The following SEMA3C variants were observed in gnomAD, a reference collection of about 807,000 sequenced individuals.
SEMA3C encodes semaphorin 3C.
SEMA3C carries 47 observed loss-of-function variants against 89.4 expected under a neutral mutation model. The observed-to-expected ratio is 0.53, with a 90% CI of 0.42 to 0.67. The LOEUF (loss-of-function observed/expected upper bound fraction) is 0.67, where lower values mean the gene tolerates loss of function less well. Among genes scored for constraint, SEMA3C ranks in the 30% least tolerant of loss-of-function variants. The pLI is 0.00. For synonymous variants in SEMA3C, 310 were observed against 320.2 expected (o/e 0.97, Z 0.34); for missense variants, 839 against 929.1 (o/e 0.90, Z 1.26).
chr7:80,779,293 ACTCTC>A (rs1373023786), intron 12 of SEMA3C, among the ~76,000 whole-genome samples: 1 of 152,052 alleles, frequency 6.6e-6, no homozygotes, highest in Non-Finnish European at 1.5e-5. Context: ...ATCAATTTAG[ACTCTC>A]ATGCATAGTA....
chr7:80,803,922 A>T (rs1371774802), intron 8 of SEMA3C, among the ~76,000 whole-genome samples, 184 bp downstream of exon 8: 1 of 152,006 alleles, frequency 6.6e-6, no homozygotes, highest in Non-Finnish European at 1.5e-5. Context: ...GGTTGGGGTT[A>T]TAAACACTAT....
At chr7:80,836,252 G>A (rs1790122295) in intron 2 of SEMA3C, among the ~76,000 whole-genome samples, 2 of 152,298 alleles carry the variant, frequency 1.3e-5, no homozygotes, top group South Asian at 4.1e-4. Flanking sequence ...CACAGACACA[G>A]CTTCATGTAG....
chr7:80,787,532 T>C (rs1347909206), intron 12 of SEMA3C, among the ~76,000 whole-genome samples: 1 of 148,682 alleles, frequency 6.7e-6, no homozygotes, highest in African/African-American at 2.5e-5. Context: ...ACTGAAGCAA[T>C]AGGTAAAGTG....
chr7:80,895,210 C>T (rs1193792224), intron 2 of SEMA3C, among the ~76,000 whole-genome samples: 1 of 152,116 alleles, frequency 6.6e-6, no homozygotes. Context: ...CACTTAATCT[C>T]CATGTGGCTT....
At chr7:80,761,311 T>C (rs1788177635) in intron 14 of SEMA3C, among the ~76,000 whole-genome samples, 1 of 152,192 alleles carries the variant, frequency 6.6e-6, no homozygotes, top group Non-Finnish European at 1.5e-5. Context: ...AGAAAGATTA[T>C]TTTTATTTCG....
intron 12 of SEMA3C, among the ~76,000 whole-genome samples, chr7:80,766,261 C>T (rs912312469): frequency 1.3e-5 from 2 of 152,160 alleles, no homozygotes; most frequent in Non-Finnish European, 1.5e-5. Context: ...TCCCCCACCC[C>T]CAACCAGTAA....
At chr7:80,903,155 T>C (rs763443178) in intron 2 of SEMA3C, among the ~76,000 whole-genome samples, 4 of 152,166 alleles carry the variant, frequency 2.6e-5, no homozygotes, top group Non-Finnish European at 5.9e-5. Flanking sequence ...TTAGGCAATT[T>C]TGTCATTGTG....
chr7:80,818,755 C>T (rs1234654559), intron 4 of SEMA3C, among the ~76,000 whole-genome samples: 1 of 152,340 alleles, frequency 6.6e-6, no homozygotes, highest in Admixed American at 6.5e-5. Flanking sequence ...GCATGAGGCC[C>T]TTGGGCCACA....
Position 80,827,501 on chromosome 7 carries a change from A to T in SEMA3C, c.265-14T>A. On this transcript the variant is annotated splice_polypyrimidine_tract_variant and intron_variant, in intron 3 of 17. Coordinates refer to ENST00000265361, the MANE Select transcript of SEMA3C (RefSeq NM_006379.5). The stretch of plus-strand genomic sequence containing the variant: ...TGGCCAGAAAACCTGCTCAGAAAGA[A>T]AAATAAAGGTTGCATAATCTCACCT... The T allele has an allele frequency of 6.3e-7, 1 of 1,595,082 alleles. No individual in the cohort carries two copies. Among genetic ancestry groups the T allele is most frequent in the Non-Finnish European group, 8.5e-7 (1 of 1,173,330 alleles).
At position 80,837,719 on chromosome 7, in the gene SEMA3C, G is replaced by A. The variant is rs565039270; in HGVS notation, c.104-8974C>T. Among the ~76,000 whole-genome samples, 275 of 152,176 alleles carry A rather than the reference G, an allele frequency of 1.8e-3. 1 individual carries two copies. Among genetic ancestry groups the A allele is most frequent in the South Asian group, 3.7e-3 (18 of 4,820 alleles). On this transcript the variant is annotated intron_variant, in intron 2 of 17. Coordinates refer to ENST00000265361, the MANE Select transcript of SEMA3C (RefSeq NM_006379.5). ...TACTTATAATGTGACCAATAGTTTT[G>A]ATGTAATTTAAACAGGGCTGTCTCA...
intron 4 of SEMA3C, among the ~76,000 whole-genome samples, chr7:80,823,790 C>T (rs6979288): frequency 0.11 from 16,706 of 151,886 alleles, 1,095 homozygotes; most frequent in African/African-American, 0.18. Flanking sequence ...CATAGTACAT[C>T]CATTAAGCCC....
intron 10 of SEMA3C, among the ~76,000 whole-genome samples, chr7:80,799,345 A>C (rs1789142646): frequency 6.6e-6 from 1 of 152,184 alleles, no homozygotes; most frequent in Non-Finnish European, 1.5e-5. Flanking sequence ...TGTCTAATCA[A>C]AGGGACCCAT....
intron 2 of SEMA3C, among the ~76,000 whole-genome samples, chr7:80,908,350 T>C (rs1792062979): frequency 6.6e-6 from 1 of 152,164 alleles, no homozygotes; most frequent in African/African-American, 2.4e-5. Flanking sequence ...CTTCACACAG[T>C]TTGTACAAAG....
chr7:80,768,986 C>T (rs1788368013), intron 12 of SEMA3C, among the ~76,000 whole-genome samples: 1 of 152,194 alleles, frequency 6.6e-6, no homozygotes, highest in Non-Finnish European at 1.5e-5. Flanking sequence ...TTCCCTGCTG[C>T]AGTTTGTAAG....
intron 2 of SEMA3C, among the ~76,000 whole-genome samples, chr7:80,869,974 T>C (rs1453873518): frequency 1.3e-5 from 2 of 152,212 alleles, no homozygotes; most frequent in East Asian, 3.9e-4. Context: ...TATCTTCTTA[T>C]GGAACAGATG....
intron 16 of SEMA3C, among the ~76,000 whole-genome samples, chr7:80,749,778 G>T (rs1181856033): frequency 6.6e-6 from 1 of 152,050 alleles, no homozygotes; most frequent in Non-Finnish European, 1.5e-5. Flanking sequence ...CACTAATAAA[G>T]CAGGAATAAT....
intron 2 of SEMA3C, among the ~76,000 whole-genome samples, chr7:80,829,038 G>A (rs1330747264): frequency 6.6e-6 from 1 of 152,034 alleles, no homozygotes; most frequent in Non-Finnish European, 1.5e-5. Flanking sequence ...ATGGTGGTAT[G>A]TGTCTTTAGT....
At chr7:80,746,678 G>T (rs2117022728) in intron 17 of SEMA3C, among the ~76,000 whole-genome samples, 1 of 148,476 alleles carries the variant, frequency 6.7e-6, no homozygotes, top group South Asian at 2.1e-4. Context: ...ATGCAGCCAG[G>T]AAATATGAGC....
At chr7:80,819,356 A>G (rs1188188308) in intron 4 of SEMA3C, among the ~76,000 whole-genome samples, 2 of 151,972 alleles carry the variant, frequency 1.3e-5, no homozygotes, top group African/African-American at 2.4e-5. Context: ...CTGAAACTTT[A>G]TAAATGTATT....
Sources: gnomAD v4.1 joint callset for allele counts (sites outside exome capture counted in the v4.1 genomes callset) on GRCh38, gnomAD v4.1.1 for gene constraint, MANE v1.5 for transcripts, NCBI Gene and HGNC (gene_info 2026-07-23, HGNC 2026-07-21) for gene names.